ZNF83: variants seen among roughly 807,000 people sequenced by gnomAD.
ZNF83 encodes zinc finger protein 816B.
For missense variants in ZNF83, 552 were observed against 629.9 expected, an observed-to-expected ratio of 0.88 and a Z score of 1.32; for synonymous variants, 209 against 213.0, an observed-to-expected ratio of 0.98 and a Z score of 0.17.
intron 2 of ZNF83, among the ~76,000 whole-genome samples, chr19:52,616,499 A>G (rs2060309520): frequency 6.6e-6 from 1 of 152,242 alleles, no homozygotes; most frequent in African/African-American, 2.4e-5. Flanking sequence ...GATATACTGG[A>G]TAAAGAAAAT....
At chr19:52,630,681 C>A (rs978636111) in intron 2 of ZNF83, among the ~76,000 whole-genome samples, 2 of 152,096 alleles carry the variant, frequency 1.3e-5, no homozygotes, top group African/African-American at 4.8e-5. Flanking sequence ...GGGACATCTC[C>A]ACTCCTTCCC....
chr19:52,618,715 C>T (rs1258745168), intron 2 of ZNF83: 6 of 884,264 alleles, frequency 6.8e-6, no homozygotes, highest in South Asian at 1.9e-5. Context: ...GGTTTTAAGC[C>T]TTCTTTACTT....
At chr19:52,681,097 C>A (rs188247293) in intron 1 of ZNF83, among the ~76,000 whole-genome samples, 1 of 151,442 alleles carries the variant, frequency 6.6e-6, no homozygotes, top group East Asian at 2.0e-4. Context: ...CCAGCCTGGC[C>A]AACATGGTAA....
chr19:52,690,178 T>A (rs1225332615), intron 1 of ZNF83, among the ~76,000 whole-genome samples: 1 of 99,768 alleles, frequency 1.0e-5, no homozygotes, highest in Non-Finnish European at 2.0e-5. Context: ...GAAAATGATT[T>A]TGAGAAAAAA....
chr19:52,681,280 C>CAAAAAAAAAAAAAAAAAAAAAAAAA (rs56916405), intron 1 of ZNF83, among the ~76,000 whole-genome samples: 9 of 75,420 alleles, frequency 1.2e-4, no homozygotes, highest in South Asian at 6.4e-4. Context: ...GAGACTTTCT[C>CAAAAAAAAAAAAAAAAAAAAAAAAA]AAAAAAAAAA....
chr19:52,613,471 A>T lies in ZNF83; in HGVS notation c.1094T>A (p.Ile365Lys), dbSNP rs1294064240. The stretch of plus-strand genomic sequence containing the variant: ...ATAAGGTTTCTCACCGGCATGAATT[A>T]TCAGATGTTGGGCAAGGTATGAATT... The change falls in exon 3 of 3, where the codon ATA becomes AAA. Residue 365 changes from isoleucine (I) to lysine (K), a missense_variant. Transcript: ENST00000301096. 1 of 1,613,590 alleles carries T rather than the reference A, an allele frequency of 6.2e-7. No homozygotes were observed. The highest frequency in any genetic ancestry group is 1.1e-5 in the South Asian group (1 of 91,066).
intron 1 of ZNF83, among the ~76,000 whole-genome samples, chr19:52,671,017 A>G (rs1248933235): frequency 6.6e-6 from 1 of 152,204 alleles, no homozygotes; most frequent in Non-Finnish European, 1.5e-5. Context: ...ATTTTTAGTT[A>G]TTCTCTTCAG....
intron 2 of ZNF83, among the ~76,000 whole-genome samples, chr19:52,657,660 C>A (rs1450538888): frequency 6.6e-6 from 1 of 152,148 alleles, no homozygotes; most frequent in East Asian, 1.9e-4. Context: ...CCAGCCTGAC[C>A]AACATAGAGA....
chr19:52,613,985 G>A lies in ZNF83; in HGVS notation c.580C>T (p.Gln194Ter), dbSNP rs780159420. Residue 194 changes from glutamine to a stop codon, truncating the protein, a stop_gained, in exon 3 of 3, where the codon CAA becomes TAA. Transcript: ENST00000301096. LOFTEE classifies it low-confidence loss of function (END_TRUNC). ...TCTCCGGTATGAATTCTTTGATGTTGTGCAAGGTGTGAAATTTGATTAAAG... is the reference window on the plus strand; with the variant it reads ...TCTCCGGTATGAATTCTTTGATGTTATGCAAGGTGTGAAATTTGATTAAAG... The A allele has an allele frequency of 6.2e-7, 1 of 1,613,102 alleles. No homozygotes were observed. The highest frequency in any genetic ancestry group is 1.3e-5 in the African/African-American group (1 of 74,760).
intron 3 of ZNF83, chr19:52,653,084 T>C (rs150900005): frequency 0.021 from 31,085 of 1,472,618 alleles, 417 homozygotes; most frequent in Middle Eastern, 0.034. Context: ...CCAGTATGAA[T>C]TGCCTTATGA....
chr19:52,644,011 C>G (rs1906388579), intron 3 of ZNF83, among the ~76,000 whole-genome samples: 2 of 152,126 alleles, frequency 1.3e-5, no homozygotes, highest in African/African-American at 4.8e-5. Context: ...TGTGGAGCCA[C>G]AGTGAGGAGT....
chr19:52,654,316 T>C, intron 3 of ZNF83: 1 of 1,477,518 alleles, frequency 6.8e-7, no homozygotes, highest in Non-Finnish European at 9.4e-7. Flanking sequence ...ATGACTTTTA[T>C]GTCTTTGCAA....
intron 2 of ZNF83, among the ~76,000 whole-genome samples, chr19:52,631,643 T>C (rs893939616): frequency 7.3e-4 from 111 of 152,338 alleles, no homozygotes; most frequent in African/African-American, 2.1e-3. Context: ...CACATTATTC[T>C]GGATACCACA....
At chr19:52,682,677 GAAA>G (rs1216870614) in intron 1 of ZNF83, among the ~76,000 whole-genome samples, 3 of 342 alleles carry the variant, frequency 8.8e-3, no homozygotes, top group Non-Finnish European at 0.018. Flanking sequence ...CAAAAAACAA[GAAA>G]AAGAAAAAGA....
Position 52,614,701 on chromosome 19 carries a change from CT to C in ZNF83, c.-138del, listed in dbSNP as rs1267740944. On this transcript the variant is annotated 5_prime_UTR_variant, in exon 3 of 3. The change abolishes the stop of an existing upstream ORF in the 5' untranslated region. Coordinates refer to ENST00000301096, the Ensembl canonical transcript of ZNF83. ...GAAGCAAAAATCTTGTATGTCGTGG[CT>C]TTCATGTCTTTCCAACATTACTGTC... 4 of 1,345,194 alleles carry C rather than the reference CT, an allele frequency of 3.0e-6. No individual in the cohort carries two copies. In the Admixed American group the frequency reaches 1.1e-4, roughly 36 times the overall value. The allele number at this position is 1,345,194 out of a possible 1,614,324, so 83.3% of individuals were successfully genotyped here.
At chr19:52,689,459 T>G (rs990275034) in intron 1 of ZNF83, among the ~76,000 whole-genome samples, 2 of 152,044 alleles carry the variant, frequency 1.3e-5, no homozygotes, top group East Asian at 3.9e-4. Flanking sequence ...TCTGTTCTCC[T>G]TGCCACCAGC....
chr19:52,632,296 C>T (rs990869471), intron 2 of ZNF83, among the ~76,000 whole-genome samples: 2 of 152,192 alleles, frequency 1.3e-5, no homozygotes, highest in African/African-American at 2.4e-5. Flanking sequence ...TAAAAACACA[C>T]CTCACCAAGC....
chr19:52,640,530 T>C (rs1421788538), upstream of ZNF83, among the ~76,000 whole-genome samples: 1 of 152,170 alleles, frequency 6.6e-6, no homozygotes, highest in Non-Finnish European at 1.5e-5. Context: ...ACAGGAAAAC[T>C]CTTTTTTGTT....
chr19:52,690,272 G>C (rs2062132328), intron 1 of ZNF83, among the ~76,000 whole-genome samples: 1 of 152,082 alleles, frequency 6.6e-6, no homozygotes, highest in Admixed American at 6.5e-5. Context: ...CCAACCTCAG[G>C]GCGACTTTAG....
Sources: allele counts gnomAD v4.1 joint callset (sites outside exome capture counted in the v4.1 genomes callset), GRCh38; gene constraint gnomAD v4.1.1; transcripts MANE v1.5; gene names NCBI Gene and HGNC (gene_info 2026-07-23, HGNC 2026-07-21).